Variants in DMD observed in about 807,000 individuals in gnomAD.
DMD encodes dystrophin, also known as mutant dystrophin.
A neutral mutation model predicts 330.1 loss-of-function variants in DMD; 63 were observed. That is an observed-to-expected ratio of 0.19 (90% CI 0.16 to 0.24). DMD has a LOEUF of 0.24. Ranked by LOEUF, DMD falls within the 10% of genes least tolerant of loss-of-function variation. The pLI is 1.00. For missense variants in DMD, 3,344 were observed against 2,684.1 expected, an observed-to-expected ratio of 1.25 and a Z score of -5.43; for synonymous variants, 1,223 against 959.8, an observed-to-expected ratio of 1.27 and a Z score of -5.07.
intron 1 of DMD, among the ~76,000 whole-genome samples, chrX:33,224,041 C>T (rs1403797100): frequency 8.9e-6 from 1 of 112,386 alleles, no homozygotes; most frequent in African/African-American, 3.2e-5. Flanking sequence ...GATGCTACTA[C>T]ATACCTCTTA....
chrX:32,469,420 G>T (rs1281903085), intron 22 of DMD, among the ~76,000 whole-genome samples: 1 of 109,800 alleles, frequency 9.1e-6, no homozygotes, highest in Admixed American at 9.8e-5. Flanking sequence ...TTTTCAATTT[G>T]TTCTATGTAT....
intron 7 of DMD, among the ~76,000 whole-genome samples, chrX:32,732,955 G>C (rs1329632750): frequency 9.0e-6 from 1 of 111,194 alleles, no homozygotes; most frequent in African/African-American, 3.3e-5. Context: ...CCAACTAAAA[G>C]ACACAGACTG....
At chrX:31,140,647 A>T (rs1451655435) in intron 76 of DMD, among the ~76,000 whole-genome samples, 1 of 112,454 alleles carries the variant, frequency 8.9e-6, no homozygotes, top group Non-Finnish European at 1.9e-5. Flanking sequence ...TTATTAGCTG[A>T]TCAGTTGTGA....
At chrX:33,009,760 GTA>G (rs1425280427) in intron 2 of DMD, among the ~76,000 whole-genome samples, 3 of 49,532 alleles carry the variant, frequency 6.1e-5, no homozygotes, top group African/African-American at 2.1e-4. Context: ...GTATATGTGT[GTA>G]TATGTGTATA....
chrX:31,559,923 G>C (rs2075100978), intron 55 of DMD, among the ~76,000 whole-genome samples: 1 of 111,869 alleles, frequency 8.9e-6, no homozygotes, highest in Non-Finnish European at 1.9e-5. Context: ...TCAGCTGCCT[G>C]GTAGTCCCTG....
rs58903799 is a variant in DMD at position 31,822,653 on chromosome X, G to GGGTGTGTGTGTGTGTGTGTGT, written c.7201-2571_7201-2570insACACACACACACACACACACC. On this transcript the variant is annotated intron_variant, in intron 49 of 78. Coordinates refer to ENST00000357033, the MANE Select transcript of DMD (RefSeq NM_004006.3). ...TTGGCCATACAGAAAAAGGCAGAGG[G>GGGTGTGTGTGTGTGTGTGTGT]GTGTGTGTGTGTGTGTGTGTGTGTG... 6.3e-3 allele frequency among the ~76,000 whole-genome samples: 413 copies of GGGTGTGTGTGTGTGTGTGTGT among 65,796 alleles called. 16 individuals are homozygous for GGGTGTGTGTGTGTGTGTGTGT. The highest frequency in any genetic ancestry group is 0.018 in the African/African-American group (275 of 15,642). 57.1% of individuals were successfully genotyped at this position (65,796 alleles called of 115,157 possible).
At chrX:32,812,597 C>T (rs748943124) in intron 6 of DMD, among the ~76,000 whole-genome samples, 24 of 112,334 alleles carry the variant, frequency 2.1e-4, no homozygotes, top group Non-Finnish European at 3.4e-4. Context: ...TGGCCCACTG[C>T]GCTCTAGCCT....
intron 11 of DMD, among the ~76,000 whole-genome samples, chrX:32,618,883 C>G (rs1325452939): frequency 9.0e-6 from 1 of 111,070 alleles, no homozygotes; most frequent in Non-Finnish European, 1.9e-5. Context: ...TCAGTACAGG[C>G]ATCATGGAAA....
chrX:32,807,242 A>G (rs1249105814), intron 7 of DMD, among the ~76,000 whole-genome samples: 1 of 109,473 alleles, frequency 9.1e-6, no homozygotes, highest in Non-Finnish European at 1.9e-5. Context: ...AGAATCAAAT[A>G]GACACAATAA....
At chrX:32,456,961 A>G (rs958245620) in intron 25 of DMD, among the ~76,000 whole-genome samples, 1 of 40,533 alleles carries the variant, frequency 2.5e-5, no homozygotes, top group Admixed American at 5.0e-4. Flanking sequence ...AGATTGTTAA[A>G]AAAAAAAAAA....
intron 2 of DMD, among the ~76,000 whole-genome samples, chrX:32,966,521 C>T (rs2092162314): frequency 1.8e-5 from 2 of 111,766 alleles, no homozygotes; most frequent in African/African-American, 6.5e-5. Context: ...TGGGGTCCAG[C>T]AACTCTACTA....
At chrX:33,212,456 A>C (rs2051954570), upstream of DMD, among the ~76,000 whole-genome samples, 1 of 111,804 alleles carries the variant, frequency 8.9e-6, no homozygotes, top group East Asian at 2.8e-4. Flanking sequence ...CAAAATTGAT[A>C]GAAAACATTG....
chrX:32,802,753 T>C (rs1397344063), intron 7 of DMD, among the ~76,000 whole-genome samples: 1 of 112,274 alleles, frequency 8.9e-6, no homozygotes. Context: ...TCATTGGTTC[T>C]GTTTATGTGA....
intron 17 of DMD, among the ~76,000 whole-genome samples, chrX:32,539,978 T>A (rs1262574657): frequency 8.9e-6 from 1 of 111,920 alleles, no homozygotes; most frequent in African/African-American, 3.2e-5. Flanking sequence ...ACAAAGATAT[T>A]CATTTATGAA....
chrX:32,310,137 G>C lies in DMD; in HGVS notation c.6062C>G (p.Pro2021Arg). Residue 2021 changes from proline (P) to arginine (R), a missense_variant, in exon 42 of 79, where the codon CCT becomes CGT. By Grantham distance (103) the Pro-to-Arg change is moderately radical. Coordinates refer to ENST00000357033, the MANE Select transcript of DMD (RefSeq NM_004006.3). The stretch of plus-strand genomic sequence containing the variant: ...TTCAAAGTCCTTAGCACAGAGGTCA[G>C]GAGCATTGAGAAGTTGTTCCACTTC... ...LLEVEQLLNAPDLCAKDFEDL... is the reference protein window; with the variant it reads ...LLEVEQLLNARDLCAKDFEDL... The C allele has an allele frequency of 8.3e-7, 1 of 1,209,476 alleles. No individual in the cohort carries two copies. The highest frequency in any genetic ancestry group is 1.1e-6 in the Non-Finnish European group (1 of 893,931).
intron 44 of DMD, among the ~76,000 whole-genome samples, chrX:32,110,094 T>C (rs2096582744): frequency 8.9e-6 from 1 of 111,996 alleles, no homozygotes; most frequent in African/African-American, 3.2e-5. Flanking sequence ...ACATTTTCAA[T>C]TTGATTTTGC....
At chrX:32,627,824 G>C (rs1250203223) in intron 11 of DMD, among the ~76,000 whole-genome samples, 2 of 111,232 alleles carry the variant, frequency 1.8e-5, no homozygotes, top group Admixed American at 9.6e-5. Context: ...GAAAATTACA[G>C]TTGTTACTCT....
intron 72 of DMD, among the ~76,000 whole-genome samples, chrX:31,172,864 T>C (rs1787589025): frequency 8.9e-6 from 1 of 111,865 alleles, no homozygotes; most frequent in African/African-American, 3.2e-5. Flanking sequence ...AAAGGATGGA[T>C]GCACAGTAAG....
In DMD at chrX:31,444,557, G is replaced by A. The variant is rs769519777; in HGVS notation, c.9008C>T (p.Thr3003Ile). Residue 3003 changes from threonine to isoleucine, a missense_variant, in exon 60 of 79, where the codon ACC (threonine) becomes ATC (isoleucine). Coordinates refer to ENST00000357033, the MANE Select transcript of DMD (RefSeq NM_004006.3). ...CGGTGAGAGCTGAATGCCCAAAGTG[G>A]TAAGCTGGCGAGCAAGGTCATTGAC... ...SHVNDLARQL[T>I]TLGIQLSPYN... 8.3e-7 allele frequency: 1 copy of A among 1,211,702 alleles called. No homozygotes were observed. The highest frequency in any genetic ancestry group is 1.8e-5 in the South Asian group (1 of 56,994).
Sources: allele counts gnomAD v4.1 joint callset (sites outside exome capture counted in the v4.1 genomes callset), GRCh38; gene constraint gnomAD v4.1.1; transcripts MANE v1.5; gene names NCBI Gene and HGNC (gene_info 2026-07-23, HGNC 2026-07-21).